MYCBP2: variants seen among roughly 807,000 people sequenced by gnomAD.
The protein encoded by MYCBP2 is MYC binding protein 2, also known as E3 ubiquitin-protein ligase MYCBP2.
In MYCBP2, 120 loss-of-function variants were observed where a neutral mutation model predicts 525.3. The observed-to-expected ratio is 0.23, with a 90% CI of 0.20 to 0.27. The LOEUF is 0.27. Among genes scored for constraint, MYCBP2 ranks in the 10% least tolerant of loss-of-function variants. The pLI, the probability that MYCBP2 is intolerant of heterozygous loss-of-function variation, is 1.00. For synonymous variants in MYCBP2, 1,894 were observed against 1,955.8 expected (o/e 0.97, Z 0.83); for missense variants, 4,149 against 5,657.1 (o/e 0.73, Z 8.55).
rs1375968832 is a variant in MYCBP2, at chr13:77,241,573, T to C, written c.2629+1486A>G. ...TAATTCTATCCTGTTTTGTAAGAAA[T>C]ATTTAACATGCAATTTTCCCATATA... is the stretch of plus-strand genomic sequence containing the variant. On this transcript the variant is annotated intron_variant, in intron 17 of 82. Transcript: ENST00000544440. 1.2e-4 allele frequency among the ~76,000 whole-genome samples: 19 copies of C among 152,164 alleles called. 1 individual carries two copies. Among genetic ancestry groups the C allele is most frequent in the Non-Finnish European group, 7.4e-5 (5 of 68,002 alleles).
At chr13:77,225,681 G>C in intron 18 of MYCBP2, 127 bp from the exon 19 acceptor site, 1 of 1,164,776 alleles carries the variant, frequency 8.6e-7, no homozygotes, top group Non-Finnish European at 1.2e-6. Context: ...AGAATCTGTA[G>C]CTGTTAGAAG....
At position 77,128,360 on chromosome 13, in the gene MYCBP2, T is replaced by A. The variant is rs548350158; in HGVS notation, c.7660-1818A>T. Among the ~76,000 whole-genome samples the A allele has an allele frequency of 5.3e-5, 8 of 151,930 alleles. 1 individual carries two copies. The highest frequency in any genetic ancestry group is 1.7e-4 in the African/African-American group (7 of 41,534). ...ACATGGCAACATAAAAAAGCAAATA[T>A]CCATAGATTTAGCAAAAAAACCCAA... is the stretch of plus-strand genomic sequence containing the variant. On this transcript the variant is annotated intron_variant, in intron 52 of 82. Coordinates refer to ENST00000544440, the MANE Select transcript of MYCBP2 (RefSeq NM_015057.5).
At chr13:77,267,325 AATG>A (rs2074239876) in intron 8 of MYCBP2, among the ~76,000 whole-genome samples, 1 of 151,722 alleles carries the variant, frequency 6.6e-6, no homozygotes, top group African/African-American at 2.4e-5. Flanking sequence ...AAGAAGCATA[AATG>A]ATGAAATTAA....
rs566131857 is a variant in MYCBP2, at chr13:77,044,715, T to C, written c.*663A>G. 2.5e-6 allele frequency: 1 copy of C among 398,646 alleles called. No homozygotes were observed. The highest frequency in any genetic ancestry group is 4.4e-6 in the Non-Finnish European group (1 of 225,956). The allele number at this position is 398,646 out of a possible 1,614,324, so 24.7% of individuals were successfully genotyped here. On this transcript the variant is annotated 3_prime_UTR_variant, in exon 83 of 83. Transcript: ENST00000544440. Reference sequence around the variant, plus strand: ...TTTTATTGACATGTACATTCCAATATGTTTACAGCTGCAAGATAATGAGGC... The same window carrying C: ...TTTTATTGACATGTACATTCCAATACGTTTACAGCTGCAAGATAATGAGGC...
At chr13:77,219,846 AG>A (rs1267857695) in intron 20 of MYCBP2, among the ~76,000 whole-genome samples, 4 of 152,110 alleles carry the variant, frequency 2.6e-5, no homozygotes, top group Non-Finnish European at 5.9e-5. Context: ...AAGGACTTCT[AG>A]GAAGTCCATG....
At chr13:77,262,026 A>C (rs760315283) in intron 11 of MYCBP2, 27 bp downstream of exon 11, 1 of 1,583,780 alleles carries the variant, frequency 6.3e-7, no homozygotes, top group African/African-American at 1.3e-5. Context: ...GAGAATGCTC[A>C]TTTTTAATCC....
intron 4 of MYCBP2, among the ~76,000 whole-genome samples, chr13:77,275,138 C>A (rs981527041): frequency 3.9e-5 from 6 of 152,124 alleles, no homozygotes; most frequent in African/African-American, 1.2e-4. Context: ...CAAAGAATGT[C>A]TCTACCCTTT....
intron 17 of MYCBP2, among the ~76,000 whole-genome samples, chr13:77,242,532 AATAACTAGAATG>A (rs1056363560): frequency 5.9e-5 from 9 of 152,192 alleles, no homozygotes; most frequent in Non-Finnish European, 1.5e-5. Context: ...TCTTCCTGTA[AATAACTAGAATG>A]AGGTTTTTCC....
intron 26 of MYCBP2, among the ~76,000 whole-genome samples, chr13:77,197,826 T>C (rs764850755): frequency 6.6e-5 from 10 of 152,174 alleles, no homozygotes; most frequent in Non-Finnish European, 1.3e-4. Flanking sequence ...TGAAAGGCCT[T>C]AGCCCACTCA....
chr13:77,284,550 T>C (rs896921913), intron 3 of MYCBP2, among the ~76,000 whole-genome samples: 1 of 152,226 alleles, frequency 6.6e-6, no homozygotes, highest in Non-Finnish European at 1.5e-5. Flanking sequence ...TGCTTGCCTC[T>C]GCATAGAGGC....
In MYCBP2 at chr13:77,232,388, C is replaced by A. The variant is rs1167204689; in HGVS notation, c.2737+768G>T. 4.6e-5 allele frequency among the ~76,000 whole-genome samples: 7 copies of A among 152,094 alleles called. No individual in the cohort carries two copies. The East Asian group carries it at 1.3e-3, about 29-fold the overall frequency. ...CTGGTTCAAAGGCCAGGATACAAGG[C>A]AAAAATTTTATATAAATTTATAAAT... On this transcript the variant is annotated intron_variant, in intron 18 of 82. Coordinates refer to ENST00000544440, the MANE Select transcript of MYCBP2 (RefSeq NM_015057.5).
At chr13:77,178,182 C>T (rs943539330) in intron 34 of MYCBP2, among the ~76,000 whole-genome samples, 11 of 152,200 alleles carry the variant, frequency 7.2e-5, no homozygotes, top group African/African-American at 2.7e-4. Context: ...CCATATGAAA[C>T]TATACTTTCC....
intron 55 of MYCBP2, chr13:77,099,252 C>G: frequency 5.7e-6 from 3 of 530,882 alleles, no homozygotes; most frequent in Non-Finnish European, 9.8e-6. Flanking sequence ...ACAGGTTGAA[C>G]AAATCCAGTG....
At chr13:77,127,812 C>T (rs912521136) in intron 52 of MYCBP2, among the ~76,000 whole-genome samples, 8 of 151,920 alleles carry the variant, frequency 5.3e-5, no homozygotes, top group South Asian at 2.1e-4. Context: ...ATACCTGCTA[C>T]TTTGTTAATT....
At position 77,098,978 on chromosome 13, in the gene MYCBP2, C is replaced by T. The variant is rs74967649; in HGVS notation, c.8176G>A (p.Ala2726Thr). The T allele has an allele frequency of 9.6e-5, 155 of 1,610,620 alleles. 1 individual carries two copies. The East Asian group carries it at 3.4e-3, about 35-fold the overall frequency. ...AGCTCTGATTTTCCTGATGTAGAGG[C>T]TGGTTTAGAAGATGTTGAGATGTTT... Reference protein sequence around the residue: ...RGNISTSSKPASTSGKSELSS... With the variant: ...RGNISTSSKPTSTSGKSELSS... Residue 2726 changes from alanine to threonine, a missense_variant, in exon 56 of 83, where the codon GCC becomes ACC. Coordinates refer to ENST00000544440, the MANE Select transcript of MYCBP2 (RefSeq NM_015057.5).
Position 77,261,316 on chromosome 13 carries a change from T to G in MYCBP2, c.1707A>C (p.Gly569=), listed in dbSNP as rs1456170881. ...LGIKQGGPSA[G]KWVELPITKS... is the part of the protein sequence containing the mutation. ...TTGTAATTGGTAGCTCAACCCATTT[T>G]CCTGCTGAAGGACCACCTTGTTTGA... is the stretch of plus-strand genomic sequence containing the variant. Residue 569 remains glycine (G), a synonymous_variant, in exon 12 of 83, where the codon GGA becomes GGC. Transcript: ENST00000544440. 4 of 1,613,446 alleles carry G rather than the reference T, an allele frequency of 2.5e-6. No individual in the cohort carries two copies. In the African/African-American group the frequency reaches 5.3e-5, roughly 22 times the overall value.
intron 55 of MYCBP2, among the ~76,000 whole-genome samples, chr13:77,102,923 T>G: frequency 6.6e-6 from 1 of 151,996 alleles, no homozygotes; most frequent in Non-Finnish European, 1.5e-5. Context: ...AATTCTTTCC[T>G]TATACCTATT....
chr13:77,214,944 C>G (rs1054190203), intron 21 of MYCBP2, among the ~76,000 whole-genome samples: 1 of 152,068 alleles, frequency 6.6e-6, no homozygotes, highest in Non-Finnish European at 1.5e-5. Flanking sequence ...CACATACATA[C>G]ATATATAGGT....
intron 21 of MYCBP2, among the ~76,000 whole-genome samples, chr13:77,215,061 T>C (rs1306336089): frequency 6.6e-6 from 1 of 152,146 alleles, no homozygotes; most frequent in Non-Finnish European, 1.5e-5. Context: ...AAGTATGGAA[T>C]GAAAGGTGTG....
Sources: allele counts gnomAD v4.1 joint callset (sites outside exome capture counted in the v4.1 genomes callset), GRCh38; gene constraint gnomAD v4.1.1; transcripts MANE v1.5; gene names NCBI Gene and HGNC (gene_info 2026-07-23, HGNC 2026-07-21).